The following SYT7 variants were observed in gnomAD, a reference collection of about 807,000 sequenced individuals.
SYT7 encodes synaptotagmin 7.
Under a neutral mutation model 75.1 loss-of-function variants are expected in SYT7, and 29 were observed. The observed-to-expected ratio is 0.39, with a 90% CI of 0.29 to 0.53. SYT7 has a LOEUF of 0.53. SYT7 is among the 20% of genes least tolerant of loss of function. The pLI, the probability that SYT7 is intolerant of heterozygous loss-of-function variation, is 0.77. For missense variants in SYT7, 693 were observed against 953.2 expected, an observed-to-expected ratio of 0.73 and a Z score of 3.59; for synonymous variants, 376 against 401.7, an observed-to-expected ratio of 0.94 and a Z score of 0.76.
chr11:61,565,467 T>G (rs1435893331), intron 1 of SYT7, among the ~76,000 whole-genome samples: 2 of 152,150 alleles, frequency 1.3e-5, no homozygotes, highest in Non-Finnish European at 2.9e-5. Flanking sequence ...CAGGCAAAGC[T>G]CCAGGTCTTG....
At position 61,515,612 on chromosome 11, in the gene SYT7, G is replaced by A. The variant is rs2062130373; in HGVS notation, c.*3015C>T. 1 of 152,548 alleles carries A rather than the reference G, an allele frequency of 6.6e-6. No individual in the cohort carries two copies. The highest frequency in any genetic ancestry group is 1.5e-5 in the Non-Finnish European group (1 of 68,014). The allele number at this position is 152,548 out of a possible 1,614,324, so 9.4% of individuals were successfully genotyped here. The stretch of plus-strand genomic sequence containing the variant: ...CCAATCCCCACCCCTGGGGCTCCGG[G>A]GAGCCCCCCTGGCTTGTTTGTGGCT... On this transcript the variant is annotated 3_prime_UTR_variant, in exon 13 of 13. Transcript: ENST00000539008.
chr11:61,540,455 G>T, intron 6 of SYT7: 1 of 911,464 alleles, frequency 1.1e-6, no homozygotes, highest in Non-Finnish European at 1.3e-6. Flanking sequence ...ATGATCACAT[G>T]CCTCTTGCAA....
At chr11:61,547,082 G>A (rs2063213399) in intron 4 of SYT7, 95 bp downstream of exon 4, 1 of 1,412,858 alleles carries the variant, frequency 7.1e-7, no homozygotes, top group African/African-American at 1.4e-5. Flanking sequence ...GAGAGAGGGA[G>A]TGAGCGGGTC....
intron 3 of SYT7, among the ~76,000 whole-genome samples, chr11:61,549,863 G>T (rs997326821): frequency 1.3e-5 from 2 of 152,124 alleles, no homozygotes; most frequent in Non-Finnish European, 1.5e-5. Flanking sequence ...CCCTGGTTGG[G>T]AATCCTGTCT....
At chr11:61,559,003 C>T (rs1399423097) in intron 1 of SYT7, among the ~76,000 whole-genome samples, 3 of 152,246 alleles carry the variant, frequency 2.0e-5, no homozygotes, top group Admixed American at 1.3e-4. Context: ...CTTGGCCTCC[C>T]AAAGTGCTAG....
chr11:61,586,178 A>AGTCTC, the SYT7 span, among the ~76,000 whole-genome samples: 1 of 152,138 alleles, frequency 6.6e-6, no homozygotes, highest in African/African-American at 2.4e-5. Flanking sequence ...TCTGGCTCTC[A>AGTCTC]GTCTCTCTCT....
intron 3 of SYT7, among the ~76,000 whole-genome samples, chr11:61,550,419 C>G (rs2063315831): frequency 6.6e-6 from 1 of 151,908 alleles, no homozygotes; most frequent in Admixed American, 6.6e-5. Flanking sequence ...GCAGGGGAGA[C>G]CAGCAGCGGG....
intron 5 of SYT7, among the ~76,000 whole-genome samples, chr11:61,545,706 A>G (rs1052160528): frequency 6.6e-6 from 1 of 152,164 alleles, no homozygotes; most frequent in African/African-American, 2.4e-5. Context: ...GGTGGCTGAG[A>G]TGGGGGGGCC....
chr11:61,568,533 A>G (rs1318158303), intron 1 of SYT7, among the ~76,000 whole-genome samples: 1 of 152,178 alleles, frequency 6.6e-6, no homozygotes, highest in African/African-American at 2.4e-5. Flanking sequence ...CCTCCTACAC[A>G]TGAGGAAAGT....
At chr11:61,541,982 G>C (rs1374190170) in intron 6 of SYT7, among the ~76,000 whole-genome samples, 1 of 152,186 alleles carries the variant, frequency 6.6e-6, no homozygotes. Flanking sequence ...GAGCCCTAGA[G>C]CACTGAGGGG....
At chr11:61,549,796 T>C (rs902811274) in intron 3 of SYT7, among the ~76,000 whole-genome samples, 2 of 152,184 alleles carry the variant, frequency 1.3e-5, no homozygotes, top group African/African-American at 4.8e-5. Flanking sequence ...TCACTTTGTC[T>C]TAGAGAGCCC....
chr11:61,544,120 A>G (rs1490838404), intron 5 of SYT7, among the ~76,000 whole-genome samples: 2 of 152,232 alleles, frequency 1.3e-5, no homozygotes, highest in South Asian at 2.1e-4. Flanking sequence ...AAGAGAGTAT[A>G]TGGCTTATAA....
intron 1 of SYT7, among the ~76,000 whole-genome samples, chr11:61,560,364 C>T (rs537258766): frequency 1.4e-4 from 21 of 152,096 alleles, no homozygotes; most frequent in Non-Finnish European, 4.4e-5. Flanking sequence ...TAGCACTGTT[C>T]CTGTCTGTGT....
chr11:61,515,671 C>T lies in SYT7; in HGVS notation c.*2956G>A, dbSNP rs1362192516. Reference sequence around the variant, plus strand: ...CTGTCCCTTCCCTGGCATCTGGTGCCAGAGGGCAGGTGCGGGGGTCCTGGG... The same window carrying T: ...CTGTCCCTTCCCTGGCATCTGGTGCTAGAGGGCAGGTGCGGGGGTCCTGGG... On this transcript the variant is annotated 3_prime_UTR_variant, in exon 13 of 13. Transcript: ENST00000539008. 6.6e-6 allele frequency: 1 copy of T among 152,572 alleles called. No individual in the cohort carries two copies. Among genetic ancestry groups the T allele is most frequent in the Non-Finnish European group, 1.5e-5 (1 of 68,044 alleles). 9.5% of individuals were successfully genotyped at this position (152,572 alleles called of 1,614,324 possible). A position where few individuals can be genotyped will look rare whatever the true frequency, so the allele number is the denominator to read the frequency against.
In SYT7 at chr11:61,513,852, C is replaced by CGG. The variant is rs990748526; in HGVS notation, c.*4773_*4774dup. 2.0e-5 allele frequency among the ~76,000 whole-genome samples: 3 copies of CGG among 152,162 alleles called. No individual in the cohort carries two copies. Among genetic ancestry groups the CGG allele is most frequent in the African/African-American group, 7.2e-5 (3 of 41,436 alleles). ...ACACGCAGGACACAGACACGGGGAG[C>CGG]GGGGCGTCTTCACGGGAAACAGATG... On this transcript the variant is annotated 3_prime_UTR_variant, in exon 13 of 13. Coordinates refer to ENST00000539008, the MANE Select transcript of SYT7 (RefSeq NM_001365809.2).
intron 1 of SYT7, among the ~76,000 whole-genome samples, chr11:61,573,874 T>A (rs1216277869): frequency 6.6e-6 from 1 of 152,234 alleles, no homozygotes; most frequent in Non-Finnish European, 1.5e-5. Flanking sequence ...CTCACACCCT[T>A]AGGTCTGGCA....
intron 8 of SYT7, among the ~76,000 whole-genome samples, chr11:61,529,977 C>A (rs1291255080): frequency 6.6e-6 from 1 of 152,238 alleles, no homozygotes; most frequent in Non-Finnish European, 1.5e-5. Context: ...TGGCCGCCCA[C>A]CTCACCAGAC....
rs1030643455 is a variant in SYT7, at chr11:61,546,477, C to T, written c.348-222G>A. 41 of 518,998 alleles carry T rather than the reference C, an allele frequency of 7.9e-5. No homozygotes were observed. In the Admixed American group the frequency reaches 9.7e-4, roughly 12 times the overall value. 32.1% of individuals were successfully genotyped at this position (518,998 alleles called of 1,614,324 possible). ...ATCAGCACTGCAAATGGGTTAACAG[C>T]GGAGCCTGCAGAGGAGAGAGGGGGA... On this transcript the variant is annotated intron_variant, in intron 4 of 12. Transcript: ENST00000539008. The surrounding 1 kb of genome is among the most constrained non-coding windows in gnomAD (Gnocchi z 7.6).
intron 12 of SYT7, among the ~76,000 whole-genome samples, chr11:61,521,527 C>A (rs2062332345): frequency 6.6e-6 from 1 of 152,148 alleles, no homozygotes; most frequent in African/African-American, 2.4e-5. Flanking sequence ...TCACCTGTGA[C>A]CACAGATTGG....
Sources: gnomAD v4.1 joint callset for allele counts (sites outside exome capture counted in the v4.1 genomes callset) on GRCh38, gnomAD v4.1.1 for gene constraint, Gnocchi (gnomAD v3.1) non-coding constraint, MANE v1.5 for transcripts, NCBI Gene and HGNC (gene_info 2026-07-23, HGNC 2026-07-21) for gene names.